LRMDA: variants seen among roughly 807,000 people sequenced by gnomAD.
The protein encoded by LRMDA is leucine rich melanocyte differentiation associated.
A neutral mutation model predicts 29.8 loss-of-function variants in LRMDA; 18 were observed. The observed-to-expected ratio is 0.60, with a 90% CI of 0.42 to 0.90. LRMDA has a LOEUF of 0.90. Ranked by LOEUF, LRMDA falls within the 40% of genes least tolerant of loss-of-function variation. The pLI is 0.00. For synonymous variants in LRMDA, 125 were observed against 109.4 expected, an observed-to-expected ratio of 1.14 and a Z score of -0.89; for missense variants, 273 against 273.9, an observed-to-expected ratio of 1.00 and a Z score of 0.02.
chr10:75,875,941 C>T (rs1334966133), intron 2 of LRMDA, among the ~76,000 whole-genome samples: 1 of 152,112 alleles, frequency 6.6e-6, no homozygotes, highest in East Asian at 1.9e-4. Flanking sequence ...GATATGAGGC[C>T]TGATTGGAGA....
intron 6 of LRMDA, among the ~76,000 whole-genome samples, chr10:76,471,946 C>A (rs1285712474): frequency 1.3e-5 from 2 of 151,634 alleles, no homozygotes; most frequent in Non-Finnish European, 3.0e-5. Flanking sequence ...ACTGACAGAC[C>A]AGAAGGGAAA....
At chr10:75,997,496 C>A (rs1847490405) in intron 2 of LRMDA, among the ~76,000 whole-genome samples, 1 of 150,350 alleles carries the variant, frequency 6.7e-6, no homozygotes. Context: ...TTAAACACAG[C>A]TCTGATTATA....
At chr10:76,067,472 T>C (rs1466011180) in intron 5 of LRMDA, among the ~76,000 whole-genome samples, 2 of 152,182 alleles carry the variant, frequency 1.3e-5, no homozygotes, top group African/African-American at 4.8e-5. Context: ...GAGAGGAAAA[T>C]AAAGATGTTT....
intron 2 of LRMDA, among the ~76,000 whole-genome samples, chr10:75,649,959 AAT>A (rs1841575937): frequency 6.6e-6 from 1 of 151,980 alleles, no homozygotes; most frequent in African/African-American, 2.4e-5. Flanking sequence ...CCCATTTTTG[AAT>A]TGAGTCTTCT....
At chr10:76,071,990 C>T (rs1848883198) in intron 5 of LRMDA, among the ~76,000 whole-genome samples, 1 of 152,178 alleles carries the variant, frequency 6.6e-6, no homozygotes, top group Admixed American at 6.5e-5. Flanking sequence ...TTTTCCACAA[C>T]TCCAAAATGC....
chr10:75,489,138 C>A (rs566911639), intron 2 of LRMDA, among the ~76,000 whole-genome samples: 1 of 151,050 alleles, frequency 6.6e-6, no homozygotes, highest in South Asian at 2.1e-4. Flanking sequence ...TGAACCGCCT[C>A]GACCATGGAG....
At chr10:76,169,472 C>T (rs537965649) in intron 5 of LRMDA, among the ~76,000 whole-genome samples, 12 of 152,260 alleles carry the variant, frequency 7.9e-5, no homozygotes, top group African/African-American at 2.6e-4. Flanking sequence ...TGGAGCCCTT[C>T]TGTTAGAGCA....
chr10:76,291,592 C>G (rs1472237369), intron 5 of LRMDA, among the ~76,000 whole-genome samples: 2 of 152,020 alleles, frequency 1.3e-5, no homozygotes, highest in African/African-American at 2.4e-5. Flanking sequence ...AATGATCAGT[C>G]AGGTGAACGT....
At chr10:75,669,240 G>A (rs920006853) in intron 2 of LRMDA, among the ~76,000 whole-genome samples, 3 of 152,128 alleles carry the variant, frequency 2.0e-5, no homozygotes, top group African/African-American at 7.2e-5. Context: ...TTGGCATCAG[G>A]GTCTGTGCTT....
intron 5 of LRMDA, among the ~76,000 whole-genome samples, chr10:76,146,161 T>G (rs1324900982): frequency 6.6e-6 from 1 of 152,214 alleles, no homozygotes; most frequent in Non-Finnish European, 1.5e-5. Flanking sequence ...AAAGAATGTA[T>G]ATTCCGTTGA....
chr10:76,192,486 A>G (rs1418786002), intron 5 of LRMDA, among the ~76,000 whole-genome samples: 1 of 152,210 alleles, frequency 6.6e-6, no homozygotes, highest in Non-Finnish European at 1.5e-5. Context: ...ACGCATCTTA[A>G]GATCAGCCCT....
At chr10:75,529,962 C>G (rs1343606880) in intron 2 of LRMDA, among the ~76,000 whole-genome samples, 1 of 151,586 alleles carries the variant, frequency 6.6e-6, no homozygotes, top group African/African-American at 2.4e-5. Context: ...GAGGAAAATA[C>G]CAAAGCATCA....
At chr10:75,846,542 C>T (rs1016742044) in intron 2 of LRMDA, among the ~76,000 whole-genome samples, 2 of 152,106 alleles carry the variant, frequency 1.3e-5, no homozygotes, top group African/African-American at 2.4e-5. Context: ...AAAGAAGCAG[C>T]CTTAATTCTC....
chr10:76,028,182 A>G (rs576642452), intron 2 of LRMDA, among the ~76,000 whole-genome samples: 200 of 152,300 alleles, frequency 1.3e-3, no homozygotes, highest in Non-Finnish European at 2.4e-3. Context: ...TAAGAAAAGG[A>G]TATAAATATT....
In LRMDA at chr10:76,471,827, G is replaced by A. The variant is rs1338541278; in HGVS notation, c.602-85382G>A. ...GACAGAAAAAGTTACTAGAGTAAAA[G>A]AGGACATTTTGTGATGATAAAAGTG... On this transcript the variant is annotated intron_variant, in intron 6 of 6. Transcript: ENST00000611255. Among the ~76,000 whole-genome samples the A allele has an allele frequency of 2.6e-5, 4 of 151,840 alleles. No individual in the cohort carries two copies. The East Asian group carries it at 7.8e-4, about 29-fold the overall frequency.
intron 5 of LRMDA, among the ~76,000 whole-genome samples, chr10:76,275,171 T>C (rs1452993615): frequency 6.6e-6 from 1 of 152,112 alleles, no homozygotes; most frequent in Non-Finnish European, 1.5e-5. Flanking sequence ...GATTTACATA[T>C]ATATAGAAAT....
chr10:76,103,247 C>T (rs535039516), intron 5 of LRMDA, among the ~76,000 whole-genome samples: 1 of 152,186 alleles, frequency 6.6e-6, no homozygotes, highest in African/African-American at 2.4e-5. Context: ...AATTTCATAA[C>T]CTTCTTGGAT....
At chr10:75,881,973 C>T (rs1359034) in intron 2 of LRMDA, among the ~76,000 whole-genome samples, 1 of 151,944 alleles carries the variant, frequency 6.6e-6, no homozygotes, top group Non-Finnish European at 1.5e-5. Flanking sequence ...CTTGTTTGAC[C>T]GATGGAGGTC....
rs12249509 is a variant in LRMDA at position 76,407,085 on chromosome 10, A to G, written c.601+82600A>G. On this transcript the variant is annotated intron_variant, in intron 6 of 6. Coordinates refer to ENST00000611255, the MANE Select transcript of LRMDA (RefSeq NM_001305581.2). ...CAAAAAGCTCATATGCACAGGAAGGATGGGAATGTAGGGCTGTGGACTAGG... is the reference window on the plus strand; with the variant it reads ...CAAAAAGCTCATATGCACAGGAAGGGTGGGAATGTAGGGCTGTGGACTAGG... Among the ~76,000 whole-genome samples the G allele has an allele frequency of 9.2e-3, 1,403 of 152,214 alleles. 24 individuals are homozygous for G. Among genetic ancestry groups the G allele is most frequent in the Middle Eastern group, 0.034 (10 of 294 alleles).
Sources: gnomAD v4.1 joint callset for allele counts (sites outside exome capture counted in the v4.1 genomes callset) on GRCh38, gnomAD v4.1.1 for gene constraint, MANE v1.5 for transcripts, NCBI Gene and HGNC (gene_info 2026-07-23, HGNC 2026-07-21) for gene names.